The following CNIH1 variants were observed in gnomAD, a reference collection of about 807,000 sequenced individuals.
CNIH1 encodes cornichon family member 1.
Under a neutral mutation model 20.2 loss-of-function variants are expected in CNIH1, and 12 were observed. The ratio of observed to expected loss-of-function variants is 0.59; its 90% confidence interval spans 0.38 to 0.96. The LOEUF (loss-of-function observed/expected upper bound fraction) is 0.96, where lower values mean the gene tolerates loss of function less well. Among genes scored for constraint, CNIH1 ranks in the 40% least tolerant of loss-of-function variants. The pLI is 0.00. For missense variants in CNIH1, 152 were observed against 178.8 expected (o/e 0.85, Z 0.85); for synonymous variants, 69 against 63.3 (o/e 1.09, Z -0.43).
intron 4 of CNIH1, 67 bp from the exon 5 acceptor site, chr14:54,427,908 G>C: frequency 1.4e-6 from 2 of 1,469,834 alleles, no homozygotes; most frequent in Non-Finnish European, 1.9e-6. Flanking sequence ...CAGAGCATGA[G>C]AGAGTATGCT....
chr14:54,429,072 T>C (rs1356051682), intron 4 of CNIH1, among the ~76,000 whole-genome samples: 1 of 151,862 alleles, frequency 6.6e-6, no homozygotes, highest in East Asian at 1.9e-4. Context: ...TATGTATTAA[T>C]AAAAAATGAG....
Position 54,424,646 on chromosome 14 carries a change from T to C in CNIH1, c.*3168A>G, listed in dbSNP as rs2030791670. Reference sequence around the variant, plus strand: ...AGCACATACAACTTTATTTCCTTTCTATGTAAATATTTGACATAGCTTCAA... The same window carrying C: ...AGCACATACAACTTTATTTCCTTTCCATGTAAATATTTGACATAGCTTCAA... On this transcript the variant is annotated 3_prime_UTR_variant, in exon 5 of 5. Coordinates refer to ENST00000216416, the MANE Select transcript of CNIH1 (RefSeq NM_005776.3). 1 of 152,258 alleles carries C rather than the reference T, an allele frequency of 6.6e-6. No homozygotes were observed. Among genetic ancestry groups the C allele is most frequent in the South Asian group, 2.1e-4 (1 of 4,834 alleles). The allele number at this position is 152,258 out of a possible 1,614,324, so 9.4% of individuals were successfully genotyped here.
intron 4 of CNIH1, among the ~76,000 whole-genome samples, chr14:54,428,074 C>T (rs3783635): frequency 0.064 from 9,753 of 152,142 alleles, 537 homozygotes; most frequent in East Asian, 0.28. Flanking sequence ...GCAAGTAGAA[C>T]GGCACAGCTG....
At chr14:54,428,288 T>A (rs1301673732) in intron 4 of CNIH1, among the ~76,000 whole-genome samples, 1 of 152,164 alleles carries the variant, frequency 6.6e-6, no homozygotes, top group Non-Finnish European at 1.5e-5. Context: ...TAGAAAGGAA[T>A]GATCAATCAA....
Position 54,441,364 on chromosome 14 carries a change from A to C in CNIH1, c.-37T>G, listed in dbSNP as rs1259016731. 10 of 1,476,114 alleles carry C rather than the reference A, an allele frequency of 6.8e-6. No individual in the cohort carries two copies. In the East Asian group the frequency reaches 2.3e-4, roughly 33 times the overall value. 91.4% of individuals were successfully genotyped at this position (1,476,114 alleles called of 1,614,324 possible). On this transcript the variant is annotated 5_prime_UTR_variant, in exon 1 of 5. Coordinates refer to ENST00000216416, the MANE Select transcript of CNIH1 (RefSeq NM_005776.3). ...AGGAGCGGGGAGCGGCGCCGTTGCC[A>C]GCGGAGAAAGGCGGCGCAGGGCCCT...
intron 2 of CNIH1, among the ~76,000 whole-genome samples, chr14:54,434,395 C>T (rs11844299): frequency 0.056 from 8,449 of 152,210 alleles, 548 homozygotes; most frequent in African/African-American, 0.15. Flanking sequence ...CCTGTCCCTC[C>T]TAAATTTACA....
chr14:54,433,185 T>C (rs1394844053), intron 2 of CNIH1, among the ~76,000 whole-genome samples: 1 of 152,178 alleles, frequency 6.6e-6, no homozygotes, highest in Non-Finnish European at 1.5e-5. Context: ...GTATCTCCTG[T>C]AAGTCACAGC....
At chr14:54,438,637 C>A (rs2031103651) in intron 1 of CNIH1, among the ~76,000 whole-genome samples, 1 of 152,196 alleles carries the variant, frequency 6.6e-6, no homozygotes, top group South Asian at 2.1e-4. Context: ...GCATAAAAAA[C>A]ATTCTCTAAT....
intron 4 of CNIH1, among the ~76,000 whole-genome samples, chr14:54,428,788 T>G (rs2030876133): frequency 6.6e-6 from 1 of 152,232 alleles, no homozygotes; most frequent in African/African-American, 2.4e-5. Flanking sequence ...ATGAGTAATA[T>G]CTGCATATGC....
At chr14:54,433,656 C>T (rs1352034668) in intron 2 of CNIH1, among the ~76,000 whole-genome samples, 1 of 152,010 alleles carries the variant, frequency 6.6e-6, no homozygotes. Context: ...TTTTATAATA[C>T]TTGTTTAAAT....
chr14:54,433,873 A>C (rs960332342), intron 2 of CNIH1, among the ~76,000 whole-genome samples: 2 of 152,180 alleles, frequency 1.3e-5, no homozygotes, highest in Non-Finnish European at 2.9e-5. Flanking sequence ...ACCAGTTCTA[A>C]TATGAAACAA....
chr14:54,429,523 C>G (rs761764653), intron 4 of CNIH1, among the ~76,000 whole-genome samples: 27 of 152,190 alleles, frequency 1.8e-4, no homozygotes, highest in Non-Finnish European at 3.5e-4. Context: ...CTTTGGGAGG[C>G]CAAGGTGGGC....
intron 2 of CNIH1, among the ~76,000 whole-genome samples, chr14:54,434,185 A>T (rs977147575): frequency 3.3e-5 from 5 of 152,202 alleles, no homozygotes; most frequent in African/African-American, 1.2e-4. Flanking sequence ...TGTCAAAACA[A>T]ATTTAAATAG....
chr14:54,432,122 T>G lies in CNIH1; in HGVS notation c.249A>C (p.Ala83=). ...CTAAATATTACCTCCAAATATGATA[T>G]GCCAAGAGGGGCATATTGAGACCCA... is the stretch of plus-strand genomic sequence containing the variant. The part of the protein sequence containing the change: ...LTLGLNMPLL[A]YHIWRYMSRP... The change falls in exon 3 of 5, where the codon GCA becomes GCC. Residue 83 remains alanine (A), a synonymous_variant. Coordinates refer to ENST00000216416, the MANE Select transcript of CNIH1 (RefSeq NM_005776.3). 6.7e-7 allele frequency: 1 copy of G among 1,497,762 alleles called. No individual in the cohort carries two copies. Among genetic ancestry groups the G allele is most frequent in the Non-Finnish European group, 8.9e-7 (1 of 1,120,338 alleles). 92.8% of individuals were successfully genotyped at this position (1,497,762 alleles called of 1,614,324 possible).
Position 54,425,115 on chromosome 14 carries a change from C to G in CNIH1, c.*2699G>C, listed in dbSNP as rs983862675. ...GATATGAGTGTTCAAATAATTTCTA[C>G]ACCATACCTCCTTAGTATTAAAGGG... On this transcript the variant is annotated 3_prime_UTR_variant, in exon 5 of 5. Coordinates refer to ENST00000216416, the MANE Select transcript of CNIH1 (RefSeq NM_005776.3). 2 of 152,148 alleles carry G rather than the reference C, an allele frequency of 1.3e-5. No individual in the cohort carries two copies. The highest frequency in any genetic ancestry group is 4.8e-5 in the African/African-American group (2 of 41,440). The allele number at this position is 152,148 out of a possible 1,614,324, so 9.4% of individuals were successfully genotyped here.
chr14:54,430,188 T>C (rs2030905781), intron 4 of CNIH1, 73 bp downstream of exon 4: 5 of 1,488,168 alleles, frequency 3.4e-6, no homozygotes, highest in Non-Finnish European at 4.6e-6. Context: ...TTTTGAGGTG[T>C]GAAAACCATA....
chr14:54,429,751 G>A lies in CNIH1; in HGVS notation c.407+510C>T, dbSNP rs554988669. Among the ~76,000 whole-genome samples, 17 of 151,652 alleles carry A rather than the reference G, an allele frequency of 1.1e-4. 1 individual carries two copies. Among genetic ancestry groups the A allele is most frequent in the Admixed American group, 2.6e-4 (4 of 15,234 alleles). The stretch of plus-strand genomic sequence containing the variant: ...CTCTAGCCTGGGCAACAGAGACTCC[G>A]ACTCAAAAAAAAAGAACAAAAATCG... On this transcript the variant is annotated intron_variant, in intron 4 of 4. Coordinates refer to ENST00000216416, the MANE Select transcript of CNIH1 (RefSeq NM_005776.3).
intron 1 of CNIH1, chr14:54,436,787 TAA>T: frequency 1.3e-5 from 5 of 382,496 alleles, no homozygotes; most frequent in Admixed American, 8.9e-5. Context: ...CTCTTTATCC[TAA>T]AAAAAAAACA....
chr14:54,439,839 C>T (rs547294329), intron 1 of CNIH1, among the ~76,000 whole-genome samples: 1 of 152,122 alleles, frequency 6.6e-6, no homozygotes, highest in African/African-American at 2.4e-5. Context: ...AGTGAGCCAC[C>T]GCGCCCGGCC....
Sources: gnomAD v4.1 joint callset for allele counts (sites outside exome capture counted in the v4.1 genomes callset) on GRCh38, gnomAD v4.1.1 for gene constraint, MANE v1.5 for transcripts, NCBI Gene and HGNC (gene_info 2026-07-23, HGNC 2026-07-21) for gene names.